The following WDR41 variants were observed in gnomAD, a reference collection of about 807,000 sequenced individuals.
The protein encoded by WDR41 is WD repeat-containing protein 41.
A neutral mutation model predicts 69.3 loss-of-function variants in WDR41; 63 were observed. The ratio of observed to expected loss-of-function variants is 0.91; its 90% CI spans 0.74 to 1.12. The LOEUF is 1.12. Ranked by LOEUF, WDR41 falls within the 50% of genes most tolerant of loss-of-function variation. The pLI, the probability that WDR41 is intolerant of heterozygous loss-of-function variation, is 0.00. For synonymous variants in WDR41, 185 were observed against 192.1 expected (o/e 0.96, Z 0.31); for missense variants, 543 against 534.5 (o/e 1.02, Z -0.16).
Position 77,483,481 on chromosome 5 carries a change from CGTGTGTGTGTGTGTGTGTGTGT to C in WDR41, c.167+5954_167+5975del, listed in dbSNP as rs35574463. On this transcript the variant is annotated intron_variant, in intron 2 of 12. Transcript: ENST00000296679. ...CACCCCTACGAGTTACCTGAATACTCGTGTGTGTGTGTGTGTGTGTGTGTGTGTGTGTGTGTGTGTGTGTATG... is the reference window on the plus strand; with the variant it reads ...CACCCCTACGAGTTACCTGAATACTCGTGTGTGTGTGTGTGTGTGTGTATG... Among the ~76,000 whole-genome samples the C allele has an allele frequency of 8.2e-3, 1,176 of 143,458 alleles. 8 individuals carry two copies. Among genetic ancestry groups the C allele is most frequent in the Middle Eastern group, 0.025 (7 of 284 alleles). The allele number at this position is 143,458 out of a possible 152,430, so 94.1% of individuals were successfully genotyped here. A position where few individuals can be genotyped will look rare whatever the true frequency, so the allele number is the denominator to read the frequency against.
intron 5 of WDR41, among the ~76,000 whole-genome samples, chr5:77,454,663 ACT>A (rs927908915): frequency 6.6e-6 from 1 of 152,166 alleles, no homozygotes; most frequent in African/African-American, 2.4e-5. Context: ...TCGCCCACTG[ACT>A]CTGAGTCAGA....
chr5:77,476,102 C>G (rs374431033), intron 2 of WDR41, among the ~76,000 whole-genome samples: 1 of 144,394 alleles, frequency 6.9e-6, no homozygotes, highest in Admixed American at 7.2e-5. Flanking sequence ...TGAAATGAAG[C>G]GAGAAGGGAA....
chr5:77,560,775 C>T (rs919414575), intron 1 of WDR41, among the ~76,000 whole-genome samples: 3 of 152,128 alleles, frequency 2.0e-5, no homozygotes, highest in Non-Finnish European at 1.5e-5. Context: ...ATTAAAAATG[C>T]TTCCACAAAC....
At chr5:77,548,469 A>T (rs1743238607) in intron 1 of WDR41, among the ~76,000 whole-genome samples, 1 of 152,166 alleles carries the variant, frequency 6.6e-6, no homozygotes, top group African/African-American at 2.4e-5. Flanking sequence ...TGAGCTAAGG[A>T]CATGAATAGA....
rs567326772 is a variant in WDR41 at position 77,503,068 on chromosome 5, G to A, written c.43-13496C>T. On this transcript the variant is annotated intron_variant, in intron 1 of 5. Coordinates refer to the WDR41 transcript ENST00000509971. ...ATGCCCAAATTAAAAAACACAGACC[G>A]GCAAATTGGATAGAGTCAAGACCCA... is the stretch of plus-strand genomic sequence containing the variant. Among the ~76,000 whole-genome samples the A allele has an allele frequency of 6.6e-5, 10 of 151,626 alleles. No individual in the cohort carries two copies. The South Asian group carries it at 1.0e-3, about 16-fold the overall frequency.
At chr5:77,582,681 C>A in intron 1 of WDR41, 1 of 1,599,498 alleles carries the variant, frequency 6.3e-7, no homozygotes. Flanking sequence ...GTGCTGTGAG[C>A]CCAAAGGTCC....
intron 1 of WDR41, among the ~76,000 whole-genome samples, chr5:77,610,310 C>T (rs1480307584): frequency 6.6e-6 from 1 of 152,128 alleles, no homozygotes; most frequent in South Asian, 2.1e-4. Context: ...GAGAACACCA[C>T]AAAGATATTC....
intron 1 of WDR41, among the ~76,000 whole-genome samples, chr5:77,517,323 CT>C (rs1802304171): frequency 6.6e-6 from 1 of 152,076 alleles, no homozygotes; most frequent in Non-Finnish European, 1.5e-5. Flanking sequence ...CATCACAAAT[CT>C]CATCAACTTC....
chr5:77,563,379 AC>A (rs1464010441), intron 1 of WDR41, among the ~76,000 whole-genome samples: 1 of 151,952 alleles, frequency 6.6e-6, no homozygotes, highest in Admixed American at 6.6e-5. Context: ...TCTACAGCCA[AC>A]CCCACCAAAA....
intron 1 of WDR41, among the ~76,000 whole-genome samples, chr5:77,592,137 TA>T (rs1561233358): frequency 6.6e-6 from 1 of 152,196 alleles, no homozygotes. Flanking sequence ...CTTTATCTGG[TA>T]TTACTGTCAC....
chr5:77,489,373 G>A (rs1044186820), intron 2 of WDR41, 84 bp downstream of exon 2: 1 of 717,852 alleles, frequency 1.4e-6, no homozygotes, highest in Non-Finnish European at 2.2e-6. Context: ...TAGAAAAGAT[G>A]TATTAATTTT....
At chr5:77,598,228 G>A (rs1186071074) in intron 1 of WDR41, among the ~76,000 whole-genome samples, 3 of 152,178 alleles carry the variant, frequency 2.0e-5, no homozygotes, top group Non-Finnish European at 4.4e-5. Flanking sequence ...AATATCAAAA[G>A]TTGACCCTCC....
At chr5:77,449,639 G>A in intron 8 of WDR41, 121 bp downstream of exon 8, 1 of 678,276 alleles carries the variant, frequency 1.5e-6, no homozygotes, top group East Asian at 2.8e-5. Context: ...AAAAGAGAAT[G>A]ACAATCCCAT....
chr5:77,607,932 A>G (rs1744457055), intron 1 of WDR41, among the ~76,000 whole-genome samples: 1 of 152,164 alleles, frequency 6.6e-6, no homozygotes, highest in Admixed American at 6.5e-5. Flanking sequence ...ATGAAACTTT[A>G]TAGAACTACT....
chr5:77,587,406 T>C (rs1744060338), intron 1 of WDR41, among the ~76,000 whole-genome samples: 1 of 152,216 alleles, frequency 6.6e-6, no homozygotes, highest in Admixed American at 6.5e-5. Context: ...CACATTCAGC[T>C]TTAGTAAACA....
At chr5:77,599,133 T>C (rs1278988407) in intron 1 of WDR41, among the ~76,000 whole-genome samples, 2 of 150,904 alleles carry the variant, frequency 1.3e-5, no homozygotes, top group African/African-American at 2.4e-5. Flanking sequence ...TTTTTTTTTT[T>C]CTATTGATAG....
At chr5:77,550,897 G>A (rs1360515438) in intron 1 of WDR41, among the ~76,000 whole-genome samples, 2 of 152,130 alleles carry the variant, frequency 1.3e-5, no homozygotes, top group East Asian at 1.9e-4. Context: ...GGAATACTAT[G>A]CAGCCATATA....
At chr5:77,442,078 G>A (rs557933695) in intron 8 of WDR41, among the ~76,000 whole-genome samples, 18 of 152,266 alleles carry the variant, frequency 1.2e-4, no homozygotes, top group Non-Finnish European at 2.2e-4. Context: ...GCACATTCCT[G>A]TATTGCCTAA....
intron 1 of WDR41, among the ~76,000 whole-genome samples, chr5:77,612,686 C>T (rs1744587435): frequency 6.6e-6 from 1 of 152,140 alleles, no homozygotes; most frequent in South Asian, 2.1e-4. Context: ...CAGCCAATAT[C>T]AAACTGAATG....
Sources: gnomAD v4.1 joint callset for allele counts (sites outside exome capture counted in the v4.1 genomes callset) on GRCh38, gnomAD v4.1.1 for gene constraint, MANE v1.5 for transcripts, NCBI Gene and HGNC (gene_info 2026-07-23, HGNC 2026-07-21) for gene names.